The following PRIM2 variants were observed in gnomAD, a reference collection of about 807,000 sequenced individuals.
PRIM2 encodes the protein DNA primase large subunit.
A neutral mutation model predicts 67.3 loss-of-function variants in PRIM2; 39 were observed. The ratio of observed to expected loss-of-function variants is 0.58; its 90% confidence interval spans 0.45 to 0.76. The LOEUF is 0.76. Among genes scored for constraint, PRIM2 ranks in the 30% least tolerant of loss-of-function variants. The pLI is 0.00. For missense variants in PRIM2, 398 were observed against 598.7 expected (o/e 0.66, Z 3.50); for synonymous variants, 143 against 198.7 (o/e 0.72, Z 2.36).
At chr6:57,496,844 G>A (rs1774014975) in intron 7 of PRIM2, among the ~76,000 whole-genome samples, 1 of 152,132 alleles carries the variant, frequency 6.6e-6, no homozygotes, top group Non-Finnish European at 1.5e-5. Flanking sequence ...TGAAAAAAAT[G>A]TCATCTCTGT....
At chr6:57,283,539 TAG>T in the PRIM2 span, among the ~76,000 whole-genome samples, 1 of 152,206 alleles carries the variant, frequency 6.6e-6, no homozygotes, top group East Asian at 1.9e-4. Flanking sequence ...AGCGTTAAGT[TAG>T]AGTTTTTGGT....
intron 10 of PRIM2, among the ~76,000 whole-genome samples, chr6:57,595,416 T>C: frequency 1.3e-5 from 2 of 152,268 alleles, no homozygotes; most frequent in South Asian, 4.1e-4. Context: ...TCTCTGATGC[T>C]AGCCGGATAG....
intron 12 of PRIM2, among the ~76,000 whole-genome samples, chr6:57,627,669 G>T (rs1776974196): frequency 6.6e-6 from 1 of 152,094 alleles, no homozygotes; most frequent in Admixed American, 6.5e-5. Flanking sequence ...TTACAGGTGT[G>T]AGCCACCGTG....
chr6:57,451,824 C>T (rs1413858799), intron 7 of PRIM2, among the ~76,000 whole-genome samples: 105 of 150,086 alleles, frequency 7.0e-4, no homozygotes, highest in Non-Finnish European at 1.2e-3. Flanking sequence ...GGTACATGTG[C>T]ACTATGTGCA....
At chr6:57,643,382 A>G (rs2127502559) in intron 13 of PRIM2, among the ~76,000 whole-genome samples, 1 of 152,336 alleles carries the variant, frequency 6.6e-6, no homozygotes, top group Admixed American at 6.5e-5. Flanking sequence ...CAGAGCAACT[A>G]ATGATCTAGT....
chr6:57,482,322 A>G (rs1198431431), intron 7 of PRIM2, among the ~76,000 whole-genome samples: 1 of 152,184 alleles, frequency 6.6e-6, no homozygotes, highest in African/African-American at 2.4e-5. Context: ...AAAATCAAAT[A>G]TAGAGGGACG....
chr6:57,292,388 G>A, the PRIM2 span, among the ~76,000 whole-genome samples: 1 of 152,094 alleles, frequency 6.6e-6, no homozygotes, highest in Non-Finnish European at 1.5e-5. Flanking sequence ...TCATGGATAG[G>A]AAGAATCAAT....
chr6:57,386,701 G>A (rs139947886), intron 7 of PRIM2, among the ~76,000 whole-genome samples: 3,316 of 150,974 alleles, frequency 0.022, 57 homozygotes, highest in Non-Finnish European at 0.03. Flanking sequence ...ATTTAGGGCT[G>A]TGGCGAAGTA....
At chr6:57,285,557 C>T in the PRIM2 span, among the ~76,000 whole-genome samples, 1,996 of 152,106 alleles carry the variant, frequency 0.013, 13 homozygotes, top group Non-Finnish European at 0.019. Flanking sequence ...AAGAGGCCTT[C>T]GATAAAATTC....
chr6:57,375,391 CCAA>C (rs1408586937), intron 5 of PRIM2, among the ~76,000 whole-genome samples: 2 of 152,184 alleles, frequency 1.3e-5, no homozygotes, highest in Non-Finnish European at 2.9e-5. Context: ...GTATGTTGAA[CCAA>C]CCTTGCATCC....
the PRIM2 span, among the ~76,000 whole-genome samples, chr6:57,224,536 A>T: frequency 6.6e-6 from 1 of 152,198 alleles, no homozygotes; most frequent in African/African-American, 2.4e-5. Context: ...TTGCACAACG[A>T]TGTGAATAAA....
intron 7 of PRIM2, among the ~76,000 whole-genome samples, chr6:57,389,520 C>T (rs1770262353): frequency 6.6e-6 from 1 of 152,046 alleles, no homozygotes; most frequent in South Asian, 2.1e-4. Flanking sequence ...TATTTAGATA[C>T]AGAAAAAAGG....
At chr6:57,319,980 A>G (rs998132848) in intron 2 of PRIM2, among the ~76,000 whole-genome samples, 2 of 152,168 alleles carry the variant, frequency 1.3e-5, no homozygotes, top group Admixed American at 1.3e-4. Context: ...TCTGTTCAGG[A>G]TGGTTCATTT....
intron 7 of PRIM2, among the ~76,000 whole-genome samples, chr6:57,396,612 C>G (rs867496547): frequency 1.3e-5 from 2 of 152,170 alleles, no homozygotes; most frequent in African/African-American, 4.8e-5. Flanking sequence ...TTCTGCAATT[C>G]TGTATCTTCT....
upstream of PRIM2, among the ~76,000 whole-genome samples, chr6:57,312,717 T>A (rs984097544): frequency 2.0e-5 from 3 of 152,194 alleles, no homozygotes; most frequent in African/African-American, 7.2e-5. Context: ...CCATTATCCA[T>A]CTCCAGAACT....
At chr6:57,478,337 G>GT (rs1170764739) in intron 7 of PRIM2, among the ~76,000 whole-genome samples, 1,815 of 130,612 alleles carry the variant, frequency 0.014, 19 homozygotes, top group Middle Eastern at 0.05. Context: ...TTTTTTTTTT[G>GT]TTTTTTTTTT....
At chr6:57,357,947 G>A (rs1581824678) in intron 5 of PRIM2, among the ~76,000 whole-genome samples, 1 of 152,166 alleles carries the variant, frequency 6.6e-6, no homozygotes, top group East Asian at 1.9e-4. Flanking sequence ...TCTTGAAATG[G>A]GCTCTAAGTC....
At chr6:57,511,922 A>G (rs1302999071) in intron 8 of PRIM2, among the ~76,000 whole-genome samples, 4 of 152,192 alleles carry the variant, frequency 2.6e-5, no homozygotes, top group African/African-American at 9.7e-5. Context: ...GCTAATCATC[A>G]CTGTGCAGGT....
chr6:57,388,367 T>A (rs968777850), intron 7 of PRIM2, among the ~76,000 whole-genome samples: 2 of 152,184 alleles, frequency 1.3e-5, no homozygotes, highest in African/African-American at 4.8e-5. Context: ...TGTGGTGATA[T>A]GACTGACAGA....
Sources: gnomAD v4.1 joint callset for allele counts (sites outside exome capture counted in the v4.1 genomes callset) on GRCh38, gnomAD v4.1.1 for gene constraint, MANE v1.5 for transcripts, NCBI Gene and HGNC (gene_info 2026-07-23, HGNC 2026-07-21) for gene names.